Variants in CCDC201 observed in about 807,000 individuals in gnomAD.
The protein encoded by CCDC201 is coiled-coil domain-containing protein 201.
chr7:45,882,587 C>T, the CCDC201 span, among the ~76,000 whole-genome samples: 683 of 152,284 alleles, frequency 4.5e-3, 5 homozygotes, highest in African/African-American at 0.016. Context: ...CTTGCGGTTC[C>T]CACAAGAAAA....
intron 1 of CCDC201, among the ~76,000 whole-genome samples, chr7:45,868,179 C>A (rs1786700344): frequency 6.6e-6 from 1 of 152,160 alleles, no homozygotes. Flanking sequence ...AGGTTCTATG[C>A]CAAGGTTGCT....
intron 2 of CCDC201, among the ~76,000 whole-genome samples, chr7:45,864,162 C>T (rs147090262): frequency 0.011 from 1,720 of 152,262 alleles, 17 homozygotes; most frequent in Non-Finnish European, 0.018. Context: ...GGCTGTGTGG[C>T]GCAGGCACTG....
chr7:45,864,439 C>T (rs1786640818), intron 2 of CCDC201, among the ~76,000 whole-genome samples: 1 of 152,182 alleles, frequency 6.6e-6, no homozygotes, highest in Admixed American at 6.5e-5. Flanking sequence ...GAACATTAAC[C>T]CATGGGGATG....
At chr7:45,884,011 TTCTTTCTC>T in the CCDC201 span, among the ~76,000 whole-genome samples, 1 of 122,214 alleles carries the variant, frequency 8.2e-6, no homozygotes, top group Non-Finnish European at 1.9e-5. Context: ...TTCTTTCTTT[TTCTTTCTC>T]TCTCTTTCTT....
chr7:45,866,133 G>C (rs1033130220), exon 2 of CCDC201: 2 of 199,102 alleles, frequency 1.0e-5, no homozygotes, highest in South Asian at 1.6e-4. Context: ...TGCCCGGAGG[G>C]ACTCTTGCTG....
chr7:45,871,784 T>C (rs1786745450), intron 1 of CCDC201, among the ~76,000 whole-genome samples: 1 of 152,238 alleles, frequency 6.6e-6, no homozygotes, highest in Non-Finnish European at 1.5e-5. Flanking sequence ...ATACACATGC[T>C]GAACCTCATT....
At chr7:45,867,873 T>C (rs1786696411) in intron 1 of CCDC201, among the ~76,000 whole-genome samples, 1 of 152,234 alleles carries the variant, frequency 6.6e-6, no homozygotes, top group Non-Finnish European at 1.5e-5. Flanking sequence ...ACCATTTTAA[T>C]GATGGTGAAG....
At chr7:45,877,925 C>T (rs1026166463), upstream of CCDC201, among the ~76,000 whole-genome samples, 2 of 152,218 alleles carry the variant, frequency 1.3e-5, no homozygotes, top group African/African-American at 4.8e-5. Flanking sequence ...AAGTCCCTTT[C>T]ACCTTGGGCC....
chr7:45,873,019 T>G (rs1786758982), exon 1 of CCDC201: 1 of 152,538 alleles, frequency 6.6e-6, no homozygotes, highest in Non-Finnish European at 1.5e-5. Context: ...CTGCTTTGCC[T>G]CTGGGGCTGG....
intron 1 of CCDC201, among the ~76,000 whole-genome samples, chr7:45,867,403 G>T (rs1396108076): frequency 6.6e-6 from 1 of 152,154 alleles, no homozygotes; most frequent in Non-Finnish European, 1.5e-5. Context: ...GAGTAACAGT[G>T]CCCAGTTACA....
At chr7:45,861,913 C>T (rs1222539775) in exon 3 of CCDC201, 2 of 152,228 alleles carry the variant, frequency 1.3e-5, no homozygotes, top group East Asian at 3.8e-4. Flanking sequence ...TAAACTCTAG[C>T]TCTGTATTTA....
At chr7:45,860,351 T>C (rs1826838) in exon 3 of CCDC201, 54,102 of 152,198 alleles carry the variant, frequency 0.36, 9,894 homozygotes, top group East Asian at 0.56. Flanking sequence ...TGCTTCAGGC[T>C]ATCTGATGTG....
the CCDC201 span, among the ~76,000 whole-genome samples, chr7:45,879,440 G>A: frequency 1.3e-5 from 2 of 152,160 alleles, no homozygotes; most frequent in Non-Finnish European, 2.9e-5. Flanking sequence ...AAGAAAAGAG[G>A]TTTAATCTCT....
intron 1 of CCDC201, among the ~76,000 whole-genome samples, chr7:45,871,337 C>G (rs1188601760): frequency 6.6e-6 from 1 of 150,816 alleles, no homozygotes; most frequent in East Asian, 1.9e-4. Flanking sequence ...AAATAAATGA[C>G]AAGGAATCTA....
At chr7:45,872,098 C>A (rs988073185) in intron 1 of CCDC201, among the ~76,000 whole-genome samples, 1 of 152,190 alleles carries the variant, frequency 6.6e-6, no homozygotes, top group African/African-American at 2.4e-5. Context: ...TGGAGGACAG[C>A]AGTGGTCACT....
upstream of CCDC201, among the ~76,000 whole-genome samples, chr7:45,874,486 C>T (rs200775933): frequency 6.6e-6 from 1 of 152,204 alleles, no homozygotes; most frequent in East Asian, 1.9e-4. Context: ...AACATCTGCA[C>T]ATAGGAACCT....
chr7:45,873,126 C>T (rs1294212403), upstream of CCDC201: 1 of 152,288 alleles, frequency 6.6e-6, no homozygotes, highest in East Asian at 1.9e-4. Context: ...ATGCAGGAGC[C>T]CACCCGAGCC....
the CCDC201 span, among the ~76,000 whole-genome samples, chr7:45,880,092 CAA>C: frequency 6.6e-6 from 1 of 151,894 alleles, no homozygotes; most frequent in African/African-American, 2.4e-5. Flanking sequence ...TCTTCACACA[CAA>C]AAAAATAAAG....
At chr7:45,880,519 C>T in the CCDC201 span, among the ~76,000 whole-genome samples, 34 of 152,246 alleles carry the variant, frequency 2.2e-4, no homozygotes, top group African/African-American at 7.7e-4. Context: ...ACACTGTATG[C>T]TGGTGATGGC....
Sources: allele counts gnomAD v4.1 joint callset (sites outside exome capture counted in the v4.1 genomes callset), GRCh38; gene constraint gnomAD v4.1.1; transcripts MANE v1.5; gene names NCBI Gene and HGNC (gene_info 2026-07-23, HGNC 2026-07-21).